The following KCNMB4 variants were observed in gnomAD, a reference collection of about 807,000 sequenced individuals.
KCNMB4 encodes calcium-activated potassium channel subunit beta-4.
In KCNMB4, 3 loss-of-function variants were observed where a neutral mutation model predicts 20.7. The ratio of observed to expected loss-of-function variants is 0.14; its 90% confidence interval spans 0.07 to 0.37. KCNMB4 has a LOEUF of 0.37. KCNMB4 is among the 10% of genes least tolerant of loss of function. The pLI is 1.00. For synonymous variants in KCNMB4, 110 were observed against 113.4 expected (o/e 0.97, Z 0.19); for missense variants, 168 against 265.9 (o/e 0.63, Z 2.56).
chr12:70,411,914 ATGAGTCTAG>A (rs1377767114), intron 2 of KCNMB4, among the ~76,000 whole-genome samples: 1 of 152,202 alleles, frequency 6.6e-6, no homozygotes, highest in African/African-American at 2.4e-5. Context: ...TTTTAGAAAG[ATGAGTCTAG>A]TGGCAGCATG....
intron 2 of KCNMB4, among the ~76,000 whole-genome samples, chr12:70,417,296 C>T (rs1248759662): frequency 1.3e-5 from 2 of 152,168 alleles, no homozygotes; most frequent in African/African-American, 4.8e-5. Flanking sequence ...TTAGTATTGG[C>T]TTAACCAGGC....
At chr12:70,421,878 GC>G (rs1266608870) in intron 2 of KCNMB4, among the ~76,000 whole-genome samples, 18 of 139,986 alleles carry the variant, frequency 1.3e-4, no homozygotes, top group Admixed American at 9.8e-4. Flanking sequence ...AGCATGCCTG[GC>G]CTTTTTTTTT....
chr12:70,408,717 CTT>C (rs1205256694), intron 2 of KCNMB4, among the ~76,000 whole-genome samples: 1 of 152,170 alleles, frequency 6.6e-6, no homozygotes, highest in South Asian at 2.1e-4. Context: ...CCTTTCCACT[CTT>C]TGCCTCCCTT....
At chr12:70,394,112 A>G (rs1565859389) in intron 1 of KCNMB4, among the ~76,000 whole-genome samples, 1 of 152,110 alleles carries the variant, frequency 6.6e-6, no homozygotes. Context: ...AGAGGGAGAG[A>G]GAGGGAGAAG....
intron 1 of KCNMB4, among the ~76,000 whole-genome samples, chr12:70,375,134 T>A (rs893795577): frequency 2.6e-5 from 4 of 152,356 alleles, no homozygotes; most frequent in African/African-American, 9.6e-5. Flanking sequence ...CTGGAGTTTT[T>A]TGTTTCTGTT....
chr12:70,422,453 C>T (rs1565867040), intron 2 of KCNMB4, among the ~76,000 whole-genome samples: 1 of 152,142 alleles, frequency 6.6e-6, no homozygotes, highest in Non-Finnish European at 1.5e-5. Flanking sequence ...ATCCAGGTTC[C>T]TGAGCAGCTC....
chr12:70,416,832 C>A (rs954088891), intron 2 of KCNMB4, among the ~76,000 whole-genome samples: 3 of 152,100 alleles, frequency 2.0e-5, no homozygotes, highest in Admixed American at 1.3e-4. Context: ...TAGCCTATTT[C>A]TGTCTTCCTA....
chr12:70,419,365 TGA>T lies in KCNMB4; in HGVS notation c.465-11115_465-11114del, dbSNP rs541309983. Among the ~76,000 whole-genome samples the T allele has an allele frequency of 3.9e-5, 6 of 152,272 alleles. No homozygotes were observed. In the South Asian group the frequency reaches 1.0e-3, roughly 26 times the overall value. ...ATAATACAGTATTGCTCTTCAAATA[TGA>T]GAGAAATCATTGTAAGGAAGAATGT... On this transcript the variant is annotated intron_variant, in intron 2 of 2. Transcript: ENST00000258111.
At chr12:70,380,514 G>A (rs770496346) in intron 1 of KCNMB4, among the ~76,000 whole-genome samples, 1 of 152,096 alleles carries the variant, frequency 6.6e-6, no homozygotes, top group African/African-American at 2.4e-5. Context: ...ATCTGTAAAA[G>A]AATGCAATAT....
intron 1 of KCNMB4, among the ~76,000 whole-genome samples, chr12:70,378,924 A>G (rs1461824059): frequency 6.6e-6 from 1 of 152,214 alleles, no homozygotes; most frequent in Admixed American, 6.5e-5. Flanking sequence ...GTTAGCAGGC[A>G]TGAAAACAAC....
At chr12:70,423,730 C>A (rs1278144129) in intron 2 of KCNMB4, among the ~76,000 whole-genome samples, 3 of 152,148 alleles carry the variant, frequency 2.0e-5, no homozygotes, top group African/African-American at 4.8e-5. Flanking sequence ...CCTCCTCGAC[C>A]TCCCAAAGTG....
At chr12:70,421,030 C>T (rs1481066604) in intron 2 of KCNMB4, among the ~76,000 whole-genome samples, 8 of 143,352 alleles carry the variant, frequency 5.6e-5, no homozygotes, top group East Asian at 2.1e-4. Context: ...CCAGCCTGGG[C>T]GACGTAGCGA....
chr12:70,417,071 G>A (rs1203862106), intron 2 of KCNMB4, among the ~76,000 whole-genome samples: 1 of 152,164 alleles, frequency 6.6e-6, no homozygotes, highest in African/African-American at 2.4e-5. Flanking sequence ...GTACAATACT[G>A]ATGCTGGAGC....
intron 2 of KCNMB4, among the ~76,000 whole-genome samples, chr12:70,413,076 T>G (rs1381843077): frequency 6.6e-6 from 1 of 152,230 alleles, no homozygotes; most frequent in Non-Finnish European, 1.5e-5. Flanking sequence ...GAAGGCTTTC[T>G]TTGGTCCCAA....
chr12:70,420,032 A>G (rs895699490), intron 2 of KCNMB4, among the ~76,000 whole-genome samples: 8 of 152,210 alleles, frequency 5.3e-5, no homozygotes, highest in African/African-American at 1.9e-4. Flanking sequence ...GAAAAAAGTA[A>G]ATCTTATAAC....
intron 2 of KCNMB4, 115 bp downstream of exon 2, chr12:70,400,451 T>C (rs1226695535): frequency 9.2e-7 from 1 of 1,083,128 alleles, no homozygotes; most frequent in African/African-American, 1.6e-5. Flanking sequence ...TCAACTCTTC[T>C]TTGCGTGTAA....
chr12:70,377,103 C>T (rs1387448411), intron 1 of KCNMB4, among the ~76,000 whole-genome samples: 1 of 152,130 alleles, frequency 6.6e-6, no homozygotes, highest in African/African-American at 2.4e-5. Context: ...TCTACAGATT[C>T]ATTACAGTCT....
rs1869117331 is a variant in KCNMB4 at position 70,423,215 on chromosome 12, T to G, written c.465-7270T>G. On this transcript the variant is annotated intron_variant, in intron 2 of 2. Transcript: ENST00000258111. ...ATATCCTGCCAAAACTGAATGCAAA[T>G]TTTTCTCTCCAAAAACTGCAAGTTT... 2.0e-5 allele frequency among the ~76,000 whole-genome samples: 3 copies of G among 152,268 alleles called. No individual in the cohort carries two copies. In the South Asian group the frequency reaches 6.2e-4, roughly 32 times the overall value.
chr12:70,382,894 T>G (rs1883818194), intron 1 of KCNMB4, among the ~76,000 whole-genome samples: 1 of 152,002 alleles, frequency 6.6e-6, no homozygotes, highest in South Asian at 2.1e-4. Context: ...GTGAACATCA[T>G]AGAGTGTACT....
Sources: allele counts gnomAD v4.1 joint callset (sites outside exome capture counted in the v4.1 genomes callset), GRCh38; gene constraint gnomAD v4.1.1; transcripts MANE v1.5; gene names NCBI Gene and HGNC (gene_info 2026-07-23, HGNC 2026-07-21).